Variants in DIP2B observed in about 807,000 individuals in gnomAD.
DIP2B encodes the protein DIP2 acetate--CoA ligase B (putative).
DIP2B carries 76 observed loss-of-function variants against 198.0 expected under a neutral mutation model. That is an observed-to-expected ratio of 0.38 (90% CI 0.32 to 0.46). The LOEUF (loss-of-function observed/expected upper bound fraction) is 0.46. Among genes scored for constraint, DIP2B ranks in the 20% least tolerant of loss-of-function variants. DIP2B has a pLI of 0.99. For synonymous variants in DIP2B, 701 were observed against 739.1 expected, an observed-to-expected ratio of 0.95 and a Z score of 0.84; for missense variants, 1,559 against 1,978.4, an observed-to-expected ratio of 0.79 and a Z score of 4.02.
chr12:50,577,562 A>G (rs2139414976), intron 1 of DIP2B, among the ~76,000 whole-genome samples: 1 of 151,628 alleles, frequency 6.6e-6, no homozygotes, highest in East Asian at 1.9e-4. Flanking sequence ...AAAAAGTAAA[A>G]CTGAAATGTT....
At chr12:50,573,594 G>A (rs1196862877) in intron 1 of DIP2B, among the ~76,000 whole-genome samples, 1 of 152,188 alleles carries the variant, frequency 6.6e-6, no homozygotes, top group African/African-American at 2.4e-5. Context: ...AAAGCCCATT[G>A]TAGCACTAAT....
chr12:50,698,320 C>G lies in DIP2B; in HGVS notation c.2049-8C>G. 6.2e-7 allele frequency: 1 copy of G among 1,606,452 alleles called. No individual in the cohort carries two copies. The highest frequency in any genetic ancestry group is 8.5e-7 in the Non-Finnish European group (1 of 1,177,276). On this transcript the variant is annotated splice_polypyrimidine_tract_variant and splice_region_variant and intron_variant, in intron 17 of 37. Coordinates refer to ENST00000301180, the MANE Select transcript of DIP2B (RefSeq NM_173602.3). ...CATTCACCAAACTTGATGGGTTCTTCTTTTCAGGCCTGGAGTTCCAGGAGC... is the reference window on the plus strand; with the variant it reads ...CATTCACCAAACTTGATGGGTTCTTGTTTTCAGGCCTGGAGTTCCAGGAGC...
At chr12:50,726,200 T>C (rs945027738) in intron 28 of DIP2B, among the ~76,000 whole-genome samples, 7 of 152,298 alleles carry the variant, frequency 4.6e-5, no homozygotes, top group African/African-American at 1.2e-4. Context: ...ACATCCTTCT[T>C]GATCCAGAAA....
At chr12:50,594,224 A>G (rs1202498168) in intron 1 of DIP2B, among the ~76,000 whole-genome samples, 4 of 151,910 alleles carry the variant, frequency 2.6e-5, no homozygotes, top group Non-Finnish European at 4.4e-5. Context: ...CATTACAAAC[A>G]TGAGCCACTG....
At chr12:50,651,110 A>G (rs142345167) in intron 3 of DIP2B, among the ~76,000 whole-genome samples, 3 of 152,222 alleles carry the variant, frequency 2.0e-5, no homozygotes, top group Non-Finnish European at 4.4e-5. Flanking sequence ...ATTTTTTCAT[A>G]TGATTGTTGG....
chr12:50,685,708 C>T, intron 10 of DIP2B, 125 bp from the exon 11 acceptor site: 1 of 1,080,032 alleles, frequency 9.3e-7, no homozygotes, highest in Non-Finnish European at 1.3e-6. Context: ...TGACAATTGC[C>T]AGATATTGGT....
At chr12:50,599,748 G>T (rs1958919543) in intron 1 of DIP2B, among the ~76,000 whole-genome samples, 1 of 152,070 alleles carries the variant, frequency 6.6e-6, no homozygotes, top group African/African-American at 2.4e-5. Flanking sequence ...AGCTTGACAG[G>T]GTGTAATCAT....
At chr12:50,636,367 A>G (rs147416515) in intron 2 of DIP2B, among the ~76,000 whole-genome samples, 1 of 152,298 alleles carries the variant, frequency 6.6e-6, no homozygotes, top group Non-Finnish European at 1.5e-5. Context: ...CTTTTTTCCA[A>G]TCCCCATTCT....
chr12:50,617,159 C>CTTT lies in DIP2B; in HGVS notation c.101-8805_101-8803dup, dbSNP rs63059261. On this transcript the variant is annotated intron_variant, in intron 1 of 37. Coordinates refer to ENST00000301180, the MANE Select transcript of DIP2B (RefSeq NM_173602.3). ...GTAATGATGTATAATGATCTTTTTG[C>CTTT]TTTTTTTTTTTTTTGAGACGGAGTC... Among the ~76,000 whole-genome samples the CTTT allele has an allele frequency of 2.9e-4, 41 of 142,810 alleles. No individual in the cohort carries two copies. In the East Asian group the frequency reaches 6.0e-3, roughly 21 times the overall value. 93.7% of individuals were successfully genotyped at this position (142,810 alleles called of 152,430 possible).
At chr12:50,538,347 C>T (rs900795539) in intron 1 of DIP2B, among the ~76,000 whole-genome samples, 1 of 152,128 alleles carries the variant, frequency 6.6e-6, no homozygotes, top group East Asian at 1.9e-4. Context: ...CATCAGCCAT[C>T]GGGGAGTGTG....
intron 29 of DIP2B, among the ~76,000 whole-genome samples, chr12:50,728,209 G>A (rs1238285312): frequency 2.6e-5 from 4 of 152,054 alleles, no homozygotes; most frequent in East Asian, 1.9e-4. Flanking sequence ...GGAAAACCCC[G>A]TCTCTACTAA....
chr12:50,518,365 C>T (rs1251098646), intron 1 of DIP2B, among the ~76,000 whole-genome samples: 2 of 152,044 alleles, frequency 1.3e-5, no homozygotes, highest in Admixed American at 6.6e-5. Context: ...GCTGGGATTA[C>T]AGGCACCCGC....
Position 50,652,421 on chromosome 12 carries a change from C to G in DIP2B, c.302-7773C>G, listed in dbSNP as rs138707057. Among the ~76,000 whole-genome samples the G allele has an allele frequency of 2.0e-3, 302 of 151,464 alleles. 10 individuals carry two copies. The East Asian group carries it at 0.056, about 28-fold the overall frequency. Reference sequence around the variant, plus strand: ...ACGTGGTGGCACGTGCCCATAGTCCCAGCTACTTGGGAGGCTGAGGCAGGA... The same window carrying G: ...ACGTGGTGGCACGTGCCCATAGTCCGAGCTACTTGGGAGGCTGAGGCAGGA... On this transcript the variant is annotated intron_variant, in intron 3 of 37. Transcript: ENST00000301180.
intron 14 of DIP2B, among the ~76,000 whole-genome samples, chr12:50,693,455 C>A (rs1939254172): frequency 6.6e-6 from 1 of 152,092 alleles, no homozygotes; most frequent in Non-Finnish European, 1.5e-5. Context: ...CTATATGTAA[C>A]ATGCCATATA....
intron 1 of DIP2B, among the ~76,000 whole-genome samples, chr12:50,609,452 G>C (rs1959012907): frequency 6.6e-6 from 1 of 152,202 alleles, no homozygotes; most frequent in Admixed American, 6.5e-5. Flanking sequence ...CTTCATGAGG[G>C]TATTGGGCAA....
At chr12:50,666,438 G>C (rs569422062) in intron 4 of DIP2B, among the ~76,000 whole-genome samples, 83 of 152,272 alleles carry the variant, frequency 5.5e-4, no homozygotes, top group African/African-American at 1.8e-3. Flanking sequence ...CTCCTAGAAA[G>C]ATAGGGGAAA....
At chr12:50,706,811 TTTCTTC>T (rs1555194259) in intron 21 of DIP2B, 146 bp downstream of exon 21, 18 of 782,656 alleles carry the variant, frequency 2.3e-5, no homozygotes, top group Admixed American at 3.4e-5. Context: ...GGCTTTTTTT[TTTCTTC>T]TTCTTCTTCT....
intron 34 of DIP2B, among the ~76,000 whole-genome samples, chr12:50,735,411 G>GGAT (rs1487401945): frequency 6.6e-6 from 1 of 152,016 alleles, no homozygotes; most frequent in African/African-American, 2.4e-5. Context: ...TATGAAAGGT[G>GGAT]GATAGAAGAG....
chr12:50,720,695 T>C (rs922852855), intron 25 of DIP2B, among the ~76,000 whole-genome samples: 2 of 152,090 alleles, frequency 1.3e-5, no homozygotes, highest in African/African-American at 2.4e-5. Flanking sequence ...GGAAGGAGGA[T>C]GGCTTGAACC....
Sources: gnomAD v4.1 joint callset for allele counts (sites outside exome capture counted in the v4.1 genomes callset) on GRCh38, gnomAD v4.1.1 for gene constraint, MANE v1.5 for transcripts, NCBI Gene and HGNC (gene_info 2026-07-23, HGNC 2026-07-21) for gene names.